SGO2: variants seen among roughly 807,000 people sequenced by gnomAD.
SGO2 encodes shugoshin 2.
SGO2 carries 68 observed loss-of-function variants against 99.5 expected under a neutral mutation model. The observed-to-expected ratio is 0.68, with a 90% confidence interval of 0.56 to 0.84. The LOEUF (loss-of-function observed/expected upper bound fraction) is 0.84. Among genes scored for constraint, SGO2 ranks in the 40% least tolerant of loss-of-function variants. The probability of loss-of-function intolerance (pLI) is 0.00; values close to 1 mark genes in which losing one functional copy is unlikely to be tolerated. For synonymous variants in SGO2, 457 were observed against 487.1 expected, an observed-to-expected ratio of 0.94 and a Z score of 0.81; for missense variants, 1,350 against 1,436.7, an observed-to-expected ratio of 0.94 and a Z score of 0.97.
At position 200,571,068 on chromosome 2, in the gene SGO2, A is replaced by G; in HGVS notation, c.722A>G (p.Asp241Gly). 1.3e-6 allele frequency: 2 copies of G among 1,581,700 alleles called. No individual in the cohort carries two copies. Among genetic ancestry groups the G allele is most frequent in the South Asian group, 1.2e-5 (1 of 85,274 alleles). ...VPPRESHSHS[D>G]QSSKTSLMSE... ...TTAATAGAAAGCCATTCCCACTCAG[A>G]CCAAAGTTCTAAGACTTCTCTAATG... is the stretch of plus-strand genomic sequence containing the variant. The change falls in exon 7 of 9, where the codon GAC (aspartate) becomes GGC (glycine). Residue 241 changes from aspartate to glycine, a missense_variant. Coordinates refer to ENST00000357799, the MANE Select transcript of SGO2 (RefSeq NM_152524.6).
intron 5 of SGO2, among the ~76,000 whole-genome samples, chr2:200,551,155 G>T (rs532094594): frequency 1.3e-5 from 2 of 152,084 alleles, no homozygotes; most frequent in East Asian, 3.9e-4. Context: ...AAGGAAATTA[G>T]TGTATCAAAG....
chr2:200,528,432 A>G (rs535506680), intron 1 of SGO2, among the ~76,000 whole-genome samples: 39 of 152,238 alleles, frequency 2.6e-4, no homozygotes, highest in Non-Finnish European at 3.8e-4. Context: ...GGTCAGCATA[A>G]TTGATCATAG....
chr2:200,566,060 CT>C (rs1255425077), intron 5 of SGO2, among the ~76,000 whole-genome samples: 2 of 151,776 alleles, frequency 1.3e-5, no homozygotes, highest in African/African-American at 4.9e-5. Context: ...CTAAAACCTT[CT>C]TCTCTCCACT....
At chr2:200,537,551 C>A (rs2031750448) in intron 4 of SGO2, among the ~76,000 whole-genome samples, 1 of 152,140 alleles carries the variant, frequency 6.6e-6, no homozygotes, top group Admixed American at 6.5e-5. Flanking sequence ...ACCACACACT[C>A]CTAAGTCTCT....
At chr2:200,549,294 G>A (rs543091885) in intron 5 of SGO2, among the ~76,000 whole-genome samples, 1 of 152,052 alleles carries the variant, frequency 6.6e-6, no homozygotes, top group Non-Finnish European at 1.5e-5. Context: ...AAAAAGAAAA[G>A]CCCAGGACTT....
intron 5 of SGO2, among the ~76,000 whole-genome samples, chr2:200,561,006 T>G (rs939316179): frequency 6.6e-6 from 1 of 152,174 alleles, no homozygotes; most frequent in African/African-American, 2.4e-5. Flanking sequence ...GTCAGTAAAG[T>G]TTATTGGTGT....
intron 5 of SGO2, among the ~76,000 whole-genome samples, chr2:200,561,339 C>T (rs890930026): frequency 2.0e-5 from 3 of 152,158 alleles, no homozygotes; most frequent in African/African-American, 7.2e-5. Context: ...ATGATGGTTT[C>T]CAGCTTCATC....
In SGO2 at chr2:200,535,168, C is replaced by T. The variant is rs201901313; in HGVS notation, c.306C>T (p.Asn102=). 1 of 1,518,244 alleles carries T rather than the reference C, an allele frequency of 6.6e-7. No homozygotes were observed. The highest frequency in any genetic ancestry group is 1.3e-5 in the South Asian group (1 of 75,812). 94.0% of individuals were successfully genotyped at this position (1,518,244 alleles called of 1,614,324 possible). ...ENTFLRLKLN[N]LNKKLIDIEA... is the part of the protein sequence containing the mutation. ...CATTTCTTCGCCTAAAGCTAAATAA[C>T]TTGGTATGTAAGCTATATTGTTTTT... Residue 102 remains asparagine, a synonymous_variant, in exon 3 of 9, where the codon AAC becomes AAT. Coordinates refer to ENST00000357799, the MANE Select transcript of SGO2 (RefSeq NM_152524.6).
In SGO2 at chr2:200,551,989, C is replaced by T. The variant is rs370204530; in HGVS notation, c.473+9325C>T. ...ATTTACACTTGAATTTTAGAATCAG[C>T]TTGTCAGTTTACACACACACATACA... On this transcript the variant is annotated intron_variant, in intron 5 of 8. Coordinates refer to ENST00000357799, the MANE Select transcript of SGO2 (RefSeq NM_152524.6). 9.7e-4 allele frequency among the ~76,000 whole-genome samples: 148 copies of T among 152,276 alleles called. 1 individual carries two copies. Among genetic ancestry groups the T allele is most frequent in the African/African-American group, 3.5e-3 (145 of 41,560 alleles).
At position 200,539,773 on chromosome 2, in the gene SGO2, A is replaced by T. The variant is rs137965124; in HGVS notation, c.388-2806A>T. On this transcript the variant is annotated intron_variant, in intron 4 of 8. Transcript: ENST00000357799. ...ATCAAGTTTGGAAAAATGTTCAGCC[A>T]TAATGTCCCCAAGTACTTTTCCAGT... 2.1e-4 allele frequency among the ~76,000 whole-genome samples: 32 copies of T among 152,276 alleles called. No individual in the cohort carries two copies. In the East Asian group the frequency reaches 5.6e-3, roughly 27 times the overall value.
In SGO2 at chr2:200,572,168, A is replaced by G. The variant is rs1196998195; in HGVS notation, c.1822A>G (p.Asn608Asp). The G allele has an allele frequency of 1.2e-6, 2 of 1,612,572 alleles. No homozygotes were observed. Among genetic ancestry groups the G allele is most frequent in the East Asian group, 2.2e-5 (1 of 44,856 alleles). ...TCAACCCTCAGAGCAAAATGAATCA[A>G]ACATTAATAAGCTTAGAAAGAAAGT... ...DIQPSEQNES[N>D]INKLRKKVNR... The change falls in exon 7 of 9, where the codon AAC (asparagine) becomes GAC (aspartate). Residue 608 changes from asparagine to aspartate, a missense_variant. Coordinates refer to ENST00000357799, the MANE Select transcript of SGO2 (RefSeq NM_152524.6).
At chr2:200,556,367 T>A (rs1040634592) in intron 5 of SGO2, among the ~76,000 whole-genome samples, 1 of 152,206 alleles carries the variant, frequency 6.6e-6, no homozygotes, top group Non-Finnish European at 1.5e-5. Context: ...AAACAGCCAA[T>A]ATTTCTCGCT....
intron 5 of SGO2, among the ~76,000 whole-genome samples, chr2:200,554,440 A>G (rs2032620030): frequency 6.6e-6 from 1 of 152,194 alleles, no homozygotes; most frequent in African/African-American, 2.4e-5. Context: ...AGAAACTTGC[A>G]TTCAAGAGCA....
In SGO2 at chr2:200,537,321, T is replaced by C. The variant is rs144331115; in HGVS notation, c.387+1179T>C. Among the ~76,000 whole-genome samples, 362 of 152,236 alleles carry C rather than the reference T, an allele frequency of 2.4e-3. 1 individual carries two copies. The highest frequency in any genetic ancestry group is 4.0e-3 in the Non-Finnish European group (272 of 67,980). Reference sequence around the variant, plus strand: ...TTAAAAAATAAATAAATAAACCTCTTACTTCACCTACTTCCCCGCTACTAT... The same window carrying C: ...TTAAAAAATAAATAAATAAACCTCTCACTTCACCTACTTCCCCGCTACTAT... On this transcript the variant is annotated intron_variant, in intron 4 of 8. Transcript: ENST00000357799.
At chr2:200,578,772 A>G (rs530656279) in intron 8 of SGO2, among the ~76,000 whole-genome samples, 40 of 152,304 alleles carry the variant, frequency 2.6e-4, no homozygotes, top group African/African-American at 9.4e-4. Context: ...TGTTTATTGT[A>G]GAGGATCTAT....
Position 200,563,751 on chromosome 2 carries a change from A to G in SGO2, c.474-5912A>G, listed in dbSNP as rs1244663824. 2.0e-5 allele frequency among the ~76,000 whole-genome samples: 3 copies of G among 152,206 alleles called. No individual in the cohort carries two copies. In the East Asian group the frequency reaches 5.8e-4, roughly 29 times the overall value. On this transcript the variant is annotated intron_variant, in intron 5 of 8. Coordinates refer to ENST00000357799, the MANE Select transcript of SGO2 (RefSeq NM_152524.6). ...CAATTTCAGAACCTGTTATCGGTCT[A>G]TTCAGGGATTCAACTTCTTCCTGGT...
chr2:200,548,744 A>G (rs1163911535), intron 5 of SGO2, among the ~76,000 whole-genome samples: 2 of 152,158 alleles, frequency 1.3e-5, no homozygotes, highest in South Asian at 2.1e-4. Flanking sequence ...AATAAAATCA[A>G]ACAAGAGATG....
At chr2:200,549,448 G>A (rs979905392) in intron 5 of SGO2, among the ~76,000 whole-genome samples, 3 of 151,958 alleles carry the variant, frequency 2.0e-5, no homozygotes, top group African/African-American at 7.2e-5. Flanking sequence ...AGGACACAAC[G>A]AAAAAATAAA....
intron 5 of SGO2, among the ~76,000 whole-genome samples, chr2:200,547,505 T>A (rs1257812292): frequency 6.6e-6 from 1 of 152,188 alleles, no homozygotes; most frequent in African/African-American, 2.4e-5. Flanking sequence ...TAACTGTATT[T>A]ATGGTGTGCA....
Sources: gnomAD v4.1 joint callset for allele counts (sites outside exome capture counted in the v4.1 genomes callset) on GRCh38, gnomAD v4.1.1 for gene constraint, MANE v1.5 for transcripts, NCBI Gene and HGNC (gene_info 2026-07-23, HGNC 2026-07-21) for gene names.